Variants in ZNF438 observed in about 807,000 individuals in gnomAD.
ZNF438 encodes the protein zinc finger protein 438.
Under a neutral mutation model 38.0 loss-of-function variants are expected in ZNF438, and 25 were observed. The ratio of observed to expected loss-of-function variants is 0.66; its 90% CI spans 0.48 to 0.92. ZNF438 has a LOEUF of 0.92. Ranked by LOEUF, ZNF438 falls within the 40% of genes least tolerant of loss-of-function variation. The probability of loss-of-function intolerance (pLI) is 0.00; values close to 1 mark genes in which losing one functional copy is unlikely to be tolerated. For missense variants in ZNF438, 1,007 were observed against 999.6 expected (o/e 1.01, Z -0.10); for synonymous variants, 372 against 364.1 (o/e 1.02, Z -0.25).
chr10:30,972,977 TTCA>T (rs1445719361), intron 1 of ZNF438, among the ~76,000 whole-genome samples: 1 of 152,032 alleles, frequency 6.6e-6, no homozygotes, highest in Admixed American at 6.6e-5. Flanking sequence ...CATCATCATC[TTCA>T]TCATCAGCTG....
chr10:30,847,884 C>A (rs2032625303), intron 5 of ZNF438, among the ~76,000 whole-genome samples: 1 of 152,232 alleles, frequency 6.6e-6, no homozygotes, highest in Non-Finnish European at 1.5e-5. Flanking sequence ...GCCTGGCTCG[C>A]CCTTGGCAGG....
chr10:30,984,973 A>T (rs971618815), intron 1 of ZNF438, among the ~76,000 whole-genome samples: 1 of 152,208 alleles, frequency 6.6e-6, no homozygotes, highest in Non-Finnish European at 1.5e-5. Flanking sequence ...TGATAGCATT[A>T]AAATATGCTA....
At chr10:30,858,899 T>G (rs942511892) in intron 4 of ZNF438, among the ~76,000 whole-genome samples, 1 of 152,208 alleles carries the variant, frequency 6.6e-6, no homozygotes, top group African/African-American at 2.4e-5. Context: ...AAACAGTGCA[T>G]CCATCACCTC....
chr10:30,973,769 C>T (rs1030491912), intron 1 of ZNF438, among the ~76,000 whole-genome samples: 5 of 152,156 alleles, frequency 3.3e-5, no homozygotes, highest in Non-Finnish European at 7.3e-5. Flanking sequence ...AGAATCCGGG[C>T]AGAACAAAGT....
In ZNF438 at chr10:30,959,296, G is replaced by A. The variant is rs746680534; in HGVS notation, c.-191-17645C>T. Among the ~76,000 whole-genome samples the A allele has an allele frequency of 6.1e-5, 9 of 146,528 alleles. 1 individual carries two copies. Among genetic ancestry groups the A allele is most frequent in the Non-Finnish European group, 1.4e-4 (9 of 64,682 alleles). The stretch of plus-strand genomic sequence containing the variant: ...GCTTCATCTAATGAGTTGATGGCCT[G>A]AATAGAACAAAAGGATGACCTCCCT... On this transcript the variant is annotated intron_variant, in intron 1 of 5. Coordinates refer to ENST00000413025, the Ensembl canonical transcript of ZNF438.
intron 1 of ZNF438, among the ~76,000 whole-genome samples, chr10:30,986,354 A>G (rs991188470): frequency 2.0e-5 from 3 of 152,228 alleles, no homozygotes; most frequent in Non-Finnish European, 4.4e-5. Context: ...CACACTGGGT[A>G]GTCATTTTAA....
At chr10:30,948,245 T>C (rs981053162) in intron 1 of ZNF438, among the ~76,000 whole-genome samples, 2 of 151,954 alleles carry the variant, frequency 1.3e-5, no homozygotes, top group African/African-American at 4.8e-5. Flanking sequence ...CAAAAACCCA[T>C]CTGTACATCA....
At position 30,980,738 on chromosome 10, in the gene ZNF438, TACA is replaced by T. The variant is rs558718249; in HGVS notation, c.-191-39090_-191-39088del. Among the ~76,000 whole-genome samples, 540 of 152,154 alleles carry T rather than the reference TACA, an allele frequency of 3.5e-3. 4 individuals are homozygous for T. Among genetic ancestry groups the T allele is most frequent in the Middle Eastern group, 0.02 (6 of 294 alleles). On this transcript the variant is annotated intron_variant, in intron 1 of 5. Coordinates refer to ENST00000413025, the Ensembl canonical transcript of ZNF438. ...CATATGAGATCGTGTGGAAAATAAA[TACA>T]GAAGGCTAAGGACTGAGCCCTGAGA...
rs183765103 is a variant in ZNF438 at position 30,917,413 on chromosome 10, T to C, written c.-114-8398A>G. On this transcript the variant is annotated intron_variant, in intron 2 of 5. Coordinates refer to ENST00000413025, the Ensembl canonical transcript of ZNF438. ...GAATCATTGGGTAAGTGTATTTAACTTCATAAGAAACTGCCAGATCTTTTT... is the reference window on the plus strand; with the variant it reads ...GAATCATTGGGTAAGTGTATTTAACCTCATAAGAAACTGCCAGATCTTTTT... Among the ~76,000 whole-genome samples, 104 of 152,272 alleles carry C rather than the reference T, an allele frequency of 6.8e-4. 2 individuals carry two copies. Among genetic ancestry groups the C allele is most frequent in the Admixed American group, 4.5e-3 (69 of 15,288 alleles).
intron 1 of ZNF438, among the ~76,000 whole-genome samples, chr10:31,010,161 T>C (rs1390301278): frequency 1.3e-5 from 2 of 152,224 alleles, no homozygotes; most frequent in East Asian, 1.9e-4. Flanking sequence ...CAATCATTTT[T>C]ATAATGCAGC....
chr10:30,955,860 T>C (rs943999325), intron 1 of ZNF438, among the ~76,000 whole-genome samples: 1 of 152,204 alleles, frequency 6.6e-6, no homozygotes, highest in Non-Finnish European at 1.5e-5. Flanking sequence ...CAATGTCCCA[T>C]TACCACCTTC....
chr10:30,962,071 G>T (rs1028308133), intron 1 of ZNF438, among the ~76,000 whole-genome samples: 1 of 146,408 alleles, frequency 6.8e-6, no homozygotes, highest in Non-Finnish European at 1.5e-5. Flanking sequence ...TTACAAAAGC[G>T]AAAAGTCTTA....
intron 1 of ZNF438, among the ~76,000 whole-genome samples, chr10:30,971,124 G>A (rs1347635025): frequency 6.6e-6 from 1 of 152,096 alleles, no homozygotes; most frequent in Non-Finnish European, 1.5e-5. Context: ...ACTGGCATTA[G>A]TAATTTACTG....
Position 30,845,394 on chromosome 10 carries a change from C to A in ZNF438, c.2054G>T (p.Gly685Val), listed in dbSNP as rs200747446. 306 of 1,614,152 alleles carry A rather than the reference C, an allele frequency of 1.9e-4. No homozygotes were observed. Among genetic ancestry groups the A allele is most frequent in the Non-Finnish European group, 2.4e-4 (280 of 1,180,024 alleles). The change falls in exon 6 of 6, where the codon GGA becomes GTA. Residue 685 changes from glycine to valine, a missense_variant. Gly to Val is a moderately radical substitution (Grantham distance 109, BLOSUM62 -3). Transcript: ENST00000413025. ...CAACTCTTCCTGAGTCCCCTTGCTT[C>A]CTGGGAAGGTCCCTTCTTGTAGCCT... is the stretch of plus-strand genomic sequence containing the variant.
At chr10:30,963,020 T>A (rs920082783) in intron 1 of ZNF438, among the ~76,000 whole-genome samples, 1 of 152,202 alleles carries the variant, frequency 6.6e-6, no homozygotes, top group Admixed American at 6.5e-5. Flanking sequence ...ATAAATTATA[T>A]TCATTTTAAA....
At chr10:30,872,892 T>C (rs1028083475) in intron 4 of ZNF438, among the ~76,000 whole-genome samples, 1 of 152,124 alleles carries the variant, frequency 6.6e-6, no homozygotes, top group African/African-American at 2.4e-5. Context: ...CTACCCAAGA[T>C]ACAAACTTCA....
At chr10:30,978,627 C>T (rs1486505473) in intron 1 of ZNF438, among the ~76,000 whole-genome samples, 1 of 152,140 alleles carries the variant, frequency 6.6e-6, no homozygotes, top group African/African-American at 2.4e-5. Context: ...CACAACCCAC[C>T]CTTAGCTGCA....
chr10:31,026,143 A>C (rs2056924233), intron 1 of ZNF438, among the ~76,000 whole-genome samples: 1 of 152,252 alleles, frequency 6.6e-6, no homozygotes, highest in Admixed American at 6.5e-5. Flanking sequence ...ACCCTGGAAG[A>C]AAACCTAGGC....
chr10:30,926,634 C>T (rs954668387), intron 2 of ZNF438, among the ~76,000 whole-genome samples: 5 of 151,318 alleles, frequency 3.3e-5, no homozygotes, highest in Non-Finnish European at 4.4e-5. Flanking sequence ...CCACTGCACT[C>T]CAGCCTGAGC....
Sources: gnomAD v4.1 joint callset for allele counts (sites outside exome capture counted in the v4.1 genomes callset) on GRCh38, gnomAD v4.1.1 for gene constraint, MANE v1.5 for transcripts, NCBI Gene and HGNC (gene_info 2026-07-23, HGNC 2026-07-21) for gene names.